TBC1D22A: variants seen among roughly 807,000 people sequenced by gnomAD.
TBC1D22A encodes putative GTPase activator.
In TBC1D22A, 38 loss-of-function variants were observed where a neutral mutation model predicts 60.2. That is an observed-to-expected ratio of 0.63 (90% CI 0.49 to 0.83). The LOEUF is 0.83. Ranked by LOEUF, TBC1D22A falls within the 40% of genes least tolerant of loss-of-function variation. The pLI is 0.00. For missense variants in TBC1D22A, 628 were observed against 701.0 expected (o/e 0.90, Z 1.18); for synonymous variants, 302 against 281.7 (o/e 1.07, Z -0.72).
At chr22:46,865,740 C>G (rs112545677) in intron 4 of TBC1D22A, among the ~76,000 whole-genome samples, 2 of 152,216 alleles carry the variant, frequency 1.3e-5, no homozygotes, top group Non-Finnish European at 1.5e-5. Context: ...CCAATGCCCC[C>G]CCATGGGGGA....
chr22:47,039,599 A>G (rs1388184885), intron 11 of TBC1D22A, among the ~76,000 whole-genome samples: 1 of 151,816 alleles, frequency 6.6e-6, no homozygotes, highest in Non-Finnish European at 1.5e-5. Context: ...GAGGGTGACA[A>G]AAGGCTTGGA....
chr22:47,010,904 T>C (rs947386540), intron 10 of TBC1D22A, among the ~76,000 whole-genome samples: 2 of 152,188 alleles, frequency 1.3e-5, no homozygotes, highest in Non-Finnish European at 2.9e-5. Flanking sequence ...ACACCTGGGT[T>C]CTAGTTCAGC....
At chr22:46,874,074 T>C (rs2067419856) in intron 4 of TBC1D22A, among the ~76,000 whole-genome samples, 1 of 152,174 alleles carries the variant, frequency 6.6e-6, no homozygotes, top group African/African-American at 2.4e-5. Flanking sequence ...CCTCCCAAAG[T>C]GCTGGGATTA....
chr22:47,083,871 T>C (rs2064574476), intron 11 of TBC1D22A, among the ~76,000 whole-genome samples: 1 of 152,168 alleles, frequency 6.6e-6, no homozygotes, highest in South Asian at 2.1e-4. Flanking sequence ...ACGAAAGGAT[T>C]GACAACTCTA....
At chr22:46,905,724 C>T (rs999537814) in intron 7 of TBC1D22A, among the ~76,000 whole-genome samples, 1 of 152,194 alleles carries the variant, frequency 6.6e-6, no homozygotes, top group South Asian at 2.1e-4. Context: ...TGTCCTGAAC[C>T]TAGGGGCCAA....
intron 12 of TBC1D22A, among the ~76,000 whole-genome samples, chr22:47,122,545 G>A (rs904991678): frequency 2.0e-5 from 3 of 152,162 alleles, no homozygotes; most frequent in Non-Finnish European, 4.4e-5. Context: ...CTCAGCCCAT[G>A]TATGGCCACC....
intron 4 of TBC1D22A, among the ~76,000 whole-genome samples, chr22:46,814,593 G>A (rs2085513029): frequency 6.6e-6 from 1 of 151,982 alleles, no homozygotes; most frequent in South Asian, 2.1e-4. Flanking sequence ...TCCTTTTCAC[G>A]TAGACTTGAG....
chr22:46,927,356 T>C (rs1317320072), intron 8 of TBC1D22A, among the ~76,000 whole-genome samples: 1 of 152,218 alleles, frequency 6.6e-6, no homozygotes, highest in Non-Finnish European at 1.5e-5. Context: ...AAAAACTACA[T>C]GATCATCTCA....
intron 11 of TBC1D22A, among the ~76,000 whole-genome samples, chr22:47,042,401 T>TGA (rs57730619): frequency 0.64 from 95,237 of 149,548 alleles, 31,032 homozygotes; most frequent in East Asian, 0.91. Context: ...CCAGCCTGTA[T>TGA]GAGAGAGAGA....
intron 9 of TBC1D22A, among the ~76,000 whole-genome samples, chr22:46,992,691 C>T (rs1251575746): frequency 1.3e-5 from 2 of 152,226 alleles, no homozygotes; most frequent in African/African-American, 4.8e-5. Context: ...TGATGTGGTT[C>T]TGCCTTCCGC....
intron 4 of TBC1D22A, among the ~76,000 whole-genome samples, chr22:46,853,567 G>A (rs2087404028): frequency 6.6e-6 from 1 of 152,228 alleles, no homozygotes; most frequent in African/African-American, 2.4e-5. Flanking sequence ...GGGATGACGT[G>A]AGATACGGGT....
intron 11 of TBC1D22A, among the ~76,000 whole-genome samples, chr22:47,111,145 C>T (rs1449061340): frequency 6.6e-6 from 1 of 152,198 alleles, no homozygotes; most frequent in African/African-American, 2.4e-5. Flanking sequence ...CCCTCACGCG[C>T]CCTTTGTGAG....
intron 10 of TBC1D22A, among the ~76,000 whole-genome samples, chr22:47,033,639 A>AG (rs920078341): frequency 2.6e-5 from 4 of 152,130 alleles, no homozygotes; most frequent in Non-Finnish European, 5.9e-5. Flanking sequence ...AACGAAGAAG[A>AG]GGGGGAGGCT....
intron 1 of TBC1D22A, among the ~76,000 whole-genome samples, chr22:46,778,589 G>A (rs550919190): frequency 2.0e-5 from 3 of 152,126 alleles, no homozygotes; most frequent in African/African-American, 7.2e-5. Flanking sequence ...AGGTCTTCGG[G>A]GGCAATAACA....
intron 10 of TBC1D22A, among the ~76,000 whole-genome samples, chr22:47,029,550 T>C (rs575858353): frequency 6.6e-6 from 1 of 152,254 alleles, no homozygotes; most frequent in South Asian, 2.1e-4. Context: ...CCTGAGGCCT[T>C]AATGTGCTCT....
intron 5 of TBC1D22A, among the ~76,000 whole-genome samples, chr22:46,879,421 C>G (rs867062169): frequency 3.9e-5 from 6 of 152,118 alleles, no homozygotes; most frequent in African/African-American, 9.7e-5. Context: ...CTTCTCTTTT[C>G]CTTTTTCATT....
At chr22:46,937,479 G>T (rs2071725977) in intron 8 of TBC1D22A, among the ~76,000 whole-genome samples, 1 of 152,188 alleles carries the variant, frequency 6.6e-6, no homozygotes, top group Non-Finnish European at 1.5e-5. Flanking sequence ...CTGCCGGTCT[G>T]TAAGAAATGC....
rs74423790 is a variant in TBC1D22A at position 46,868,328 on chromosome 22, G to A, written c.638-10325G>A. Among the ~76,000 whole-genome samples the A allele has an allele frequency of 4.1e-3, 628 of 152,178 alleles. 8 individuals carry two copies. The highest frequency in any genetic ancestry group is 0.014 in the African/African-American group (588 of 41,512). ...TCAGTATACACACATTTTGTTTCAC[G>A]GGCAAAATTATTTTAAAAAGGTATG... On this transcript the variant is annotated intron_variant, in intron 4 of 12. Coordinates refer to ENST00000337137, the MANE Select transcript of TBC1D22A (RefSeq NM_014346.5).
At chr22:46,827,853 C>T (rs531280116) in intron 4 of TBC1D22A, among the ~76,000 whole-genome samples, 2 of 152,300 alleles carry the variant, frequency 1.3e-5, no homozygotes, top group African/African-American at 4.8e-5. Flanking sequence ...TTGTCTTATC[C>T]GCAGGGACTG....
Sources: gnomAD v4.1 joint callset for allele counts (sites outside exome capture counted in the v4.1 genomes callset) on GRCh38, gnomAD v4.1.1 for gene constraint, MANE v1.5 for transcripts, NCBI Gene and HGNC (gene_info 2026-07-23, HGNC 2026-07-21) for gene names.